The following GTPBP1 variants were observed in gnomAD, a reference collection of about 807,000 sequenced individuals.
GTPBP1 encodes the protein GTP-binding protein 1.
GTPBP1 carries 23 observed loss-of-function variants against 62.0 expected under a neutral mutation model. That is an observed-to-expected ratio of 0.37 (90% CI 0.27 to 0.53). The LOEUF is 0.53. GTPBP1 is among the 20% of genes least tolerant of loss of function. GTPBP1 has a pLI of 0.89. For synonymous variants in GTPBP1, 344 were observed against 364.4 expected (o/e 0.94, Z 0.64); for missense variants, 640 against 917.3 (o/e 0.70, Z 3.90).
downstream of GTPBP1, chr22:38,737,796 G>A: frequency 2.4e-6 from 1 of 424,852 alleles, no homozygotes; most frequent in Admixed American, 2.8e-5. The surrounding 1 kb of genome is among the most constrained non-coding windows in gnomAD (Gnocchi z 4.1). Context: ...TGAAGTTTAA[G>A]CCGCATGCAC....
rs1229823372 is a variant in GTPBP1 at position 38,720,457 on chromosome 22, T to G, written c.835-1285T>G. 2.0e-5 allele frequency among the ~76,000 whole-genome samples: 3 copies of G among 151,980 alleles called. No homozygotes were observed. In the East Asian group the frequency reaches 5.8e-4, roughly 29 times the overall value. ...GTTGGCCAAGCTGGTCTCGAATTCCTGACCTCAGGTGATTCACCCACCTTG... is the reference window on the plus strand; with the variant it reads ...GTTGGCCAAGCTGGTCTCGAATTCCGGACCTCAGGTGATTCACCCACCTTG... On this transcript the variant is annotated intron_variant, in intron 4 of 11. Coordinates refer to ENST00000216044, the MANE Select transcript of GTPBP1 (RefSeq NM_004286.5).
At chr22:38,723,325 G>A (rs1357052005) in intron 5 of GTPBP1, 3 of 831,010 alleles carry the variant, frequency 3.6e-6, no homozygotes, top group Non-Finnish European at 6.4e-6. Flanking sequence ...CAGGTGCATG[G>A]TATGAGGAGC....
At chr22:38,739,744 C>A (rs531098802), downstream of GTPBP1, 5 of 1,613,682 alleles carry the variant, frequency 3.1e-6, no homozygotes, top group Non-Finnish European at 4.2e-6. This position sits in a 1 kb window ranked among gnomAD's most constrained non-coding sequence, Gnocchi z 6.7. Context: ...TCCAATCACA[C>A]CTTCTTTCTG....
rs571601665 is a variant in GTPBP1 at position 38,727,896 on chromosome 22, G to A, written c.1538-87G>A. 9.4e-5 allele frequency: 82 copies of A among 875,730 alleles called. 1 individual carries two copies. The highest frequency in any genetic ancestry group is 3.5e-4 in the East Asian group (14 of 40,024). The allele number at this position is 875,730 out of a possible 1,614,324, so 54.2% of individuals were successfully genotyped here. Reference sequence around the variant, plus strand: ...GCCCCCACCCTTCCACAGCTTAAGCGTATTTCATGCTTTCACTCACTGCCT... The same window carrying A: ...GCCCCCACCCTTCCACAGCTTAAGCATATTTCATGCTTTCACTCACTGCCT... On this transcript the variant is annotated intron_variant, in intron 9 of 11. Transcript: ENST00000216044. The surrounding 1 kb of genome is among the most constrained non-coding windows in gnomAD (Gnocchi z 6.5).
chr22:38,715,871 TC>T lies in GTPBP1; in HGVS notation c.305-33del, dbSNP rs776770163. ...GGTTGGCAGGCTGGTTGGTCAGGAC[TC>T]CCTCTCCTGCTGATGTCTGGGCTCT... On this transcript the variant is annotated intron_variant, in intron 2 of 11. Transcript: ENST00000216044. 1.5e-5 allele frequency: 24 copies of T among 1,562,914 alleles called. 2 individuals are homozygous for T. The highest frequency in any genetic ancestry group is 1.7e-4 in the Middle Eastern group (1 of 5,826).
At chr22:38,738,910 A>G (rs1314363323), downstream of GTPBP1, 1 of 1,611,758 alleles carries the variant, frequency 6.2e-7, no homozygotes, top group Admixed American at 1.7e-5. The surrounding 1 kb of genome is among the most constrained non-coding windows in gnomAD (Gnocchi z 6.6). Context: ...GTGGTACCAC[A>G]GGGGGATGCC....
At position 38,705,996 on chromosome 22, in the gene GTPBP1, TC is replaced by T; in HGVS notation, c.44del (p.Pro15ArgfsTer53). 6.9e-7 allele frequency: 1 copy of T among 1,457,716 alleles called. No individual in the cohort carries two copies. Among genetic ancestry groups the T allele is most frequent in the Non-Finnish European group, 9.1e-7 (1 of 1,104,570 alleles). 90.3% of individuals were successfully genotyped at this position (1,457,716 alleles called of 1,614,324 possible). A position where few individuals can be genotyped will look rare whatever the true frequency, so the allele number is the denominator to read the frequency against. On this transcript the variant is annotated frameshift_variant, in exon 1 of 12. Coordinates refer to ENST00000216044, the MANE Select transcript of GTPBP1 (RefSeq NM_004286.5). LOFTEE classifies it high-confidence loss of function. ...AGTCGCTCCGCGATGGACTCGCCGG[TC>T]CCGGCCTCTATGTTCGCCCCCGAGC... Reference protein sequence around the residue: ...ERSRSAMDSPVPASMFAPEPS... With the variant: ...ERSRSAMDSPXPASMFAPEPS...
In GTPBP1 at chr22:38,715,951, T is replaced by C. The variant is rs772578049; in HGVS notation, c.349T>C (p.Tyr117His). 6.2e-7 allele frequency: 1 copy of C among 1,613,882 alleles called. No homozygotes were observed. Among genetic ancestry groups the C allele is most frequent in the African/African-American group, 1.3e-5 (1 of 74,876 alleles). The change falls in exon 3 of 12, where the codon TAC (tyrosine) becomes CAC (histidine). Residue 117 changes from tyrosine to histidine, a missense_variant. Around this residue, in one of 4 missense-constraint regions of GTPBP1, gnomAD observed 215 missense variants for 235.1 expected, o/e 0.91. Coordinates refer to ENST00000216044, the MANE Select transcript of GTPBP1 (RefSeq NM_004286.5). ...GAGTGAAGCTGACATGGAGGCCTCC[T>C]ACGCCACAGTGAAGAGCATGGCGGA... Reference protein sequence around the residue: ...GLSEADMEASYATVKSMAEQI... With the variant: ...GLSEADMEASHATVKSMAEQI...
At chr22:38,741,465 C>G (rs376137870), downstream of GTPBP1, 117 of 1,606,730 alleles carry the variant, frequency 7.3e-5, 1 homozygote, top group African/African-American at 1.5e-3. Flanking sequence ...GACCCAGTCA[C>G]AGGCCCTGAG....
intron 2 of GTPBP1, among the ~76,000 whole-genome samples, chr22:38,713,865 G>A (rs1027048143): frequency 2.0e-5 from 3 of 152,184 alleles, no homozygotes; most frequent in Non-Finnish European, 4.4e-5. Context: ...CAGGCAATTG[G>A]AAATTCAGTC....
downstream of GTPBP1, chr22:38,740,228 A>G: frequency 6.6e-7 from 1 of 1,505,102 alleles, no homozygotes; most frequent in Admixed American, 2.2e-5. The surrounding 1 kb of genome is among the most constrained non-coding windows in gnomAD (Gnocchi z 4.8). Context: ...TCAAAGGAGG[A>G]GGAGAGGGAC....
chr22:38,708,766 G>A, intron 1 of GTPBP1, 79 bp from the exon 2 acceptor site: 1 of 821,274 alleles, frequency 1.2e-6, no homozygotes, highest in Non-Finnish European at 2.2e-6. Flanking sequence ...CAGGATCTTT[G>A]GTTAGGCTAT....
chr22:38,735,748 C>A (rs569420839), downstream of GTPBP1: 25 of 161,478 alleles, frequency 1.5e-4, no homozygotes, highest in East Asian at 4.0e-3. Flanking sequence ...GGGCACTAAC[C>A]TTGTAGGAGA....
chr22:38,739,086 C>T, downstream of GTPBP1: 1 of 1,245,312 alleles, frequency 8.0e-7, no homozygotes, highest in Non-Finnish European at 1.1e-6. The surrounding 1 kb of genome is among the most constrained non-coding windows in gnomAD (Gnocchi z 6.7). Flanking sequence ...CGGCAGATGC[C>T]CCAGGCCTAG....
chr22:38,708,040 A>G (rs2092616330), intron 1 of GTPBP1, among the ~76,000 whole-genome samples: 1 of 152,236 alleles, frequency 6.6e-6, no homozygotes, highest in Non-Finnish European at 1.5e-5. Flanking sequence ...GTAGTTTCAC[A>G]TTTATTGAGC....
chr22:38,723,018 A>G lies in GTPBP1; in HGVS notation c.958+1153A>G, dbSNP rs112357486. 29 of 816,764 alleles carry G rather than the reference A, an allele frequency of 3.6e-5. 1 individual carries two copies. The highest frequency in any genetic ancestry group is 3.3e-4 in the African/African-American group (20 of 59,782). 50.6% of individuals were successfully genotyped at this position (816,764 alleles called of 1,614,324 possible). A position where few individuals can be genotyped will look rare whatever the true frequency, so the allele number is the denominator to read the frequency against. Reference sequence around the variant, plus strand: ...ACCGTAGTCTCAGGAAGTTTGCTCAAATCTGACAAGAGTGGGATGTTCATG... The same window carrying G: ...ACCGTAGTCTCAGGAAGTTTGCTCAGATCTGACAAGAGTGGGATGTTCATG... On this transcript the variant is annotated intron_variant, in intron 5 of 11. Transcript: ENST00000216044.
chr22:38,724,147 TGC>T, intron 5 of GTPBP1, 148 bp from the exon 6 acceptor site: 6 of 586,784 alleles, frequency 1.0e-5, no homozygotes, highest in Admixed American at 5.7e-5. Context: ...TCCTCCTTTT[TGC>T]TTCTCCAGGC....
downstream of GTPBP1, chr22:38,740,468 CTT>C: frequency 7.0e-7 from 1 of 1,436,482 alleles, no homozygotes; most frequent in South Asian, 1.5e-5. The surrounding 1 kb of genome is among the most constrained non-coding windows in gnomAD (Gnocchi z 4.8). Context: ...CCTCGGATCT[CTT>C]TGGTGGGAGG....
chr22:38,708,339 CA>C (rs1331154059), intron 1 of GTPBP1, among the ~76,000 whole-genome samples: 1 of 152,194 alleles, frequency 6.6e-6, no homozygotes, highest in Non-Finnish European at 1.5e-5. Context: ...ATGAGTCTTG[CA>C]GGCAGTTTTC....
Sources: gnomAD v4.1 joint callset for allele counts (sites outside exome capture counted in the v4.1 genomes callset) on GRCh38, gnomAD v4.1.1 for gene constraint, gnomAD v4.1.1 regional missense constraint, Gnocchi (gnomAD v3.1) non-coding constraint, MANE v1.5 for transcripts, NCBI Gene and HGNC (gene_info 2026-07-23, HGNC 2026-07-21) for gene names.